Variants in SLC2A13 observed in about 807,000 individuals in gnomAD.
The protein encoded by SLC2A13 is proton myo-inositol cotransporter.
A neutral mutation model predicts 64.4 loss-of-function variants in SLC2A13; 32 were observed. The observed-to-expected ratio is 0.50, with a 90% CI of 0.37 to 0.67. The LOEUF (loss-of-function observed/expected upper bound fraction) is 0.67. SLC2A13 is among the 30% of genes least tolerant of loss of function. SLC2A13 has a pLI of 0.00. For synonymous variants in SLC2A13, 338 were observed against 327.1 expected (o/e 1.03, Z -0.36); for missense variants, 743 against 829.2 (o/e 0.90, Z 1.28).
chr12:39,984,073 G>T (rs1388776217), intron 3 of SLC2A13, among the ~76,000 whole-genome samples: 3 of 151,528 alleles, frequency 2.0e-5, no homozygotes, highest in Admixed American at 6.6e-5. Flanking sequence ...GTAAACTATC[G>T]CAAGAAGAAA....
At chr12:39,812,337 T>TTTTTCTTTTCTTTTCTTTTC (rs151097142) in intron 7 of SLC2A13, among the ~76,000 whole-genome samples, 1,871 of 135,206 alleles carry the variant, frequency 0.014, 42 homozygotes, top group South Asian at 0.029. Flanking sequence ...ACTAATTTCT[T>TTTTTCTTTTCTTTTCTTTTC]TTTTCTTTTC....
chr12:40,037,128 A>G (rs1948001315), intron 2 of SLC2A13, among the ~76,000 whole-genome samples: 1 of 152,078 alleles, frequency 6.6e-6, no homozygotes, highest in African/African-American at 2.4e-5. Flanking sequence ...GTTCAGTTTT[A>G]TTAATTTTTT....
At chr12:39,785,026 A>T (rs1005139280) in intron 7 of SLC2A13, among the ~76,000 whole-genome samples, 4 of 152,214 alleles carry the variant, frequency 2.6e-5, no homozygotes, top group Non-Finnish European at 4.4e-5. Context: ...TTGCAGCCTT[A>T]TGATGTAGTA....
chr12:39,846,017 T>C (rs948765297), intron 6 of SLC2A13, among the ~76,000 whole-genome samples: 1 of 152,154 alleles, frequency 6.6e-6, no homozygotes, highest in Non-Finnish European at 1.5e-5. Context: ...TAAGTGCTCA[T>C]CTGTATTTGC....
chr12:40,051,478 A>T (rs1948253071), intron 1 of SLC2A13, among the ~76,000 whole-genome samples: 1 of 152,152 alleles, frequency 6.6e-6, no homozygotes, highest in East Asian at 1.9e-4. Context: ...GGAGAGAGAC[A>T]TGAGCTCTGT....
intron 1 of SLC2A13, among the ~76,000 whole-genome samples, chr12:40,062,759 T>G (rs1382819740): frequency 6.6e-6 from 1 of 152,166 alleles, no homozygotes; most frequent in Non-Finnish European, 1.5e-5. Flanking sequence ...TCCTCAAATC[T>G]TCGAGGGTGA....
chr12:39,978,997 TC>T (rs1381401646), intron 3 of SLC2A13, among the ~76,000 whole-genome samples: 1 of 150,142 alleles, frequency 6.7e-6, no homozygotes, highest in Non-Finnish European at 1.5e-5. Flanking sequence ...GACTGCCTCC[TC>T]AAGTGGGTCC....
At chr12:39,895,135 C>G (rs912396950) in intron 4 of SLC2A13, among the ~76,000 whole-genome samples, 1 of 152,028 alleles carries the variant, frequency 6.6e-6, no homozygotes, top group African/African-American at 2.4e-5. Context: ...TCCCAAGTAC[C>G]TGGGACTACA....
chr12:39,960,671 G>C (rs946235788), intron 3 of SLC2A13, among the ~76,000 whole-genome samples: 11 of 151,088 alleles, frequency 7.3e-5, no homozygotes, highest in Non-Finnish European at 2.9e-5. Flanking sequence ...GAGCCACCGC[G>C]CCCGGCCTAA....
In SLC2A13 at chr12:40,105,830, C is replaced by G. The variant is rs937452130; in HGVS notation, c.-22G>C. ...ACATAGGGCAGGGGCCCGGGGCTGC[C>G]CGGGGGGACGCGGCTCCGCGGGCCG... On this transcript the variant is annotated 5_prime_UTR_variant, in exon 1 of 10. Transcript: ENST00000280871. The surrounding 1 kb of genome is among the most constrained non-coding windows in gnomAD (Gnocchi z 4.2). 2.9e-6 allele frequency: 4 copies of G among 1,398,738 alleles called. No homozygotes were observed. The African/African-American group carries it at 6.1e-5, about 21-fold the overall frequency. 86.6% of individuals were successfully genotyped at this position (1,398,738 alleles called of 1,614,324 possible).
rs189960924 is a variant in SLC2A13, at chr12:39,863,964, C to T, written c.1319+798G>A. ...GAGACTTGCGTCCATCTATTTCAAGCTAAAGGAATATACATTTTTGTTAAG... is the reference window on the plus strand; with the variant it reads ...GAGACTTGCGTCCATCTATTTCAAGTTAAAGGAATATACATTTTTGTTAAG... On this transcript the variant is annotated intron_variant, in intron 6 of 9. Transcript: ENST00000280871. Among the ~76,000 whole-genome samples the T allele has an allele frequency of 1.8e-3, 275 of 152,258 alleles. 1 individual carries two copies. Among genetic ancestry groups the T allele is most frequent in the Admixed American group, 4.0e-3 (61 of 15,294 alleles).
intron 3 of SLC2A13, among the ~76,000 whole-genome samples, chr12:39,984,845 C>T (rs7138679): frequency 0.4 from 60,731 of 151,848 alleles, 12,434 homozygotes; most frequent in East Asian, 0.66. Context: ...AGATAGATAG[C>T]TTTTCACGTG....
At chr12:39,827,311 T>G (rs2135841636) in intron 7 of SLC2A13, among the ~76,000 whole-genome samples, 1 of 152,240 alleles carries the variant, frequency 6.6e-6, no homozygotes, top group East Asian at 1.9e-4. Context: ...GTACCATTAT[T>G]TCCATTTGTA....
intron 4 of SLC2A13, among the ~76,000 whole-genome samples, chr12:39,925,109 C>T (rs1159758266): frequency 1.4e-5 from 2 of 144,232 alleles, no homozygotes; most frequent in Admixed American, 7.3e-5. Context: ...GATCATGGAT[C>T]GCTCACTCGA....
intron 3 of SLC2A13, among the ~76,000 whole-genome samples, chr12:39,973,488 CA>C (rs1352426435): frequency 6.6e-6 from 1 of 152,198 alleles, no homozygotes; most frequent in Non-Finnish European, 1.5e-5. Context: ...TCATGACTCC[CA>C]AATCAACACT....
chr12:40,008,404 G>A (rs887799083), intron 3 of SLC2A13, among the ~76,000 whole-genome samples: 7 of 152,016 alleles, frequency 4.6e-5, no homozygotes, highest in African/African-American at 1.4e-4. Flanking sequence ...TCAACAGATC[G>A]AGACCATCCT....
At chr12:39,782,436 C>T (rs889250295) in intron 7 of SLC2A13, among the ~76,000 whole-genome samples, 1 of 152,154 alleles carries the variant, frequency 6.6e-6, no homozygotes, top group Non-Finnish European at 1.5e-5. Context: ...GCTTCCTCCT[C>T]ATTTTTCTCT....
chr12:39,871,703 T>C, intron 5 of SLC2A13, 95 bp downstream of exon 5: 10 of 1,221,408 alleles, frequency 8.2e-6, no homozygotes, highest in Non-Finnish European at 1.1e-5. Context: ...GAGAAACCAA[T>C]ATTAGAAGTG....
At chr12:40,082,986 G>T (rs551088810) in intron 1 of SLC2A13, among the ~76,000 whole-genome samples, 2 of 152,066 alleles carry the variant, frequency 1.3e-5, no homozygotes, top group East Asian at 3.9e-4. Flanking sequence ...AGATCTGTTT[G>T]GAGTATGCAG....
Sources: gnomAD v4.1 joint callset for allele counts (sites outside exome capture counted in the v4.1 genomes callset) on GRCh38, gnomAD v4.1.1 for gene constraint, Gnocchi (gnomAD v3.1) non-coding constraint, MANE v1.5 for transcripts, NCBI Gene and HGNC (gene_info 2026-07-23, HGNC 2026-07-21) for gene names.